Variants in CHD4 observed in about 807,000 individuals in gnomAD.
The protein encoded by CHD4 is ATP-dependent chromatin remodeler CHD4.
A neutral mutation model predicts 235.5 loss-of-function variants in CHD4; 35 were observed. The ratio of observed to expected loss-of-function variants is 0.15; its 90% CI spans 0.11 to 0.20. CHD4 has a LOEUF of 0.20. Among genes scored for constraint, CHD4 ranks in the 10% least tolerant of loss-of-function variants. The pLI is 1.00. For missense variants in CHD4, 1,329 were observed against 2,432.3 expected (o/e 0.55, Z 9.54); for synonymous variants, 900 against 850.2 (o/e 1.06, Z -1.02).
In CHD4 at chr12:6,599,932, G is replaced by A. The variant is rs142800397; in HGVS notation, c.1323C>T (p.Leu441=). ...EEILEEVGGD[L]EEEDDHHMEF... ...CCATATGGTGGTCATCCTCCTCTTC[G>A]AGGTCTCCCCCAACCTCTTCCAGGA... The change falls in exon 10 of 40, where the codon CTC becomes CTT. Residue 441 remains leucine (L), a synonymous_variant. Coordinates refer to ENST00000544040, the MANE Select transcript of CHD4 (RefSeq NM_001273.5). 293 of 1,613,938 alleles carry A rather than the reference G, an allele frequency of 1.8e-4. 1 individual carries two copies. Among genetic ancestry groups the A allele is most frequent in the African/African-American group, 5.2e-4 (39 of 74,862 alleles).
In CHD4 at chr12:6,587,687, A is replaced by G. The variant is rs372162063; in HGVS notation, c.3703+25T>C. ...TTTAGAGAGGCCAAGCCCCACACCAAAACGTAAGTTCCTGACTACCTCACC... is the reference window on the plus strand; with the variant it reads ...TTTAGAGAGGCCAAGCCCCACACCAGAACGTAAGTTCCTGACTACCTCACC... On this transcript the variant is annotated intron_variant, in intron 24 of 39. Coordinates refer to ENST00000544040, the MANE Select transcript of CHD4 (RefSeq NM_001273.5). The G allele has an allele frequency of 2.5e-5, 40 of 1,611,956 alleles. No homozygotes were observed. The African/African-American group carries it at 4.8e-4, about 19-fold the overall frequency.
Position 6,592,005 on chromosome 12 carries a change from C to T in CHD4, c.3001G>A (p.Gly1001Ser). Residue 1001 changes from glycine (G) to serine (S), a missense_variant, in exon 20 of 40, where the codon GGT (glycine) becomes AGT (serine). Physicochemically the swap from Gly to Ser is moderately conservative, Grantham distance 56 (BLOSUM62 0). Transcript: ENST00000544040. ...TRNFEALNARGGGNQVSLLNV... is the reference protein window; with the variant it reads ...TRNFEALNARSGGNQVSLLNV... Reference sequence around the variant, plus strand: ...AGCAGAGACACCTGGTTGCCACCACCTCGGGCATTGAGTGCTTCAAAATTT... The same window carrying T: ...AGCAGAGACACCTGGTTGCCACCACTTCGGGCATTGAGTGCTTCAAAATTT... 1 of 1,614,216 alleles carries T rather than the reference C, an allele frequency of 6.2e-7. No individual in the cohort carries two copies. The highest frequency in any genetic ancestry group is 8.5e-7 in the Non-Finnish European group (1 of 1,180,038).
chr12:6,575,626 C>T (rs2136193957), intron 37 of CHD4, among the ~76,000 whole-genome samples: 1 of 152,252 alleles, frequency 6.6e-6, no homozygotes, highest in East Asian at 1.9e-4. Flanking sequence ...CTTAACACCT[C>T]ATGATTATAT....
In CHD4 at chr12:6,593,460, C is replaced by A; in HGVS notation, c.2470G>T (p.Glu824Ter). The A allele has an allele frequency of 6.2e-7, 1 of 1,614,168 alleles. No individual in the cohort carries two copies. Among genetic ancestry groups the A allele is most frequent in the Non-Finnish European group, 8.5e-7 (1 of 1,180,032 alleles). The change falls in exon 16 of 40, where the codon GAA becomes TAA. Residue 824 changes from glutamate (E) to a stop codon, truncating the protein, a stop_gained. Coordinates refer to ENST00000544040, the MANE Select transcript of CHD4 (RefSeq NM_001273.5). LOFTEE classifies it high-confidence loss of function. The surrounding 1 kb of genome is among the most constrained non-coding windows in gnomAD (Gnocchi z 4.9). Reference protein sequence around the residue: ...AIIRENEFSFEDNAIRGGKKA... With the variant: ...AIIRENEFSF ...TTGCCACCACGAATGGCATTGTCTT[C>A]AAAGGAGAACTCATTCTCTCGGATG...
In CHD4 at chr12:6,573,507, G is replaced by A. The variant is rs953543314; in HGVS notation, c.5362-238C>T. On this transcript the variant is annotated intron_variant, in intron 37 of 39. Transcript: ENST00000544040. ...ACCCTTTAGGTTCTCTTATACAAAA[G>A]CGATAAAAACTCAATTTAGAAAATA... is the stretch of plus-strand genomic sequence containing the variant. 4 of 314,594 alleles carry A rather than the reference G, an allele frequency of 1.3e-5. No homozygotes were observed. The East Asian group carries it at 2.1e-4, about 17-fold the overall frequency. The allele number at this position is 314,594 out of a possible 1,614,324, so 19.5% of individuals were successfully genotyped here.
intron 22 of CHD4, chr12:6,591,238 G>C: frequency 2.2e-6 from 1 of 444,572 alleles, no homozygotes; most frequent in Non-Finnish European, 4.0e-6. Flanking sequence ...TTGCCCTCGA[G>C]ATACAATGCT....
intron 25 of CHD4, 110 bp downstream of exon 25, chr12:6,587,274 A>G (rs530135978): frequency 2.0e-4 from 214 of 1,057,658 alleles, no homozygotes; most frequent in Middle Eastern, 1.1e-3. Context: ...ATTCATCAAC[A>G]TAAGAATTTG....
At chr12:6,579,462 TA>T (rs567737597) in intron 33 of CHD4, 99 of 171,924 alleles carry the variant, frequency 5.8e-4, no homozygotes, top group Non-Finnish European at 1.1e-3. Flanking sequence ...CGCATGCCTG[TA>T]ATCCCAGCTA....
chr12:6,577,502 A>G (rs113366779), intron 37 of CHD4, among the ~76,000 whole-genome samples: 52 of 151,910 alleles, frequency 3.4e-4, no homozygotes, highest in Admixed American at 5.2e-4. Context: ...TCCCACCTCT[A>G]TATCTTTCCT....
Position 6,591,533 on chromosome 12 carries a change from A to G in CHD4, c.3273T>C (p.Tyr1091=), listed in dbSNP as rs747965402. 2 of 1,614,234 alleles carry G rather than the reference A, an allele frequency of 1.2e-6. No individual in the cohort carries two copies. The highest frequency in any genetic ancestry group is 2.2e-5 in the East Asian group (1 of 44,890). Residue 1091 remains tyrosine (Y), a synonymous_variant, in exon 22 of 40, where the codon TAT becomes TAC. Transcript: ENST00000544040. ...LLEDFLEHEG[Y]KYERIDGGIT... ...TTCCACCATCGATGCGTTCGTATTT[A>G]TAACCTTCATGTTCCAAGAAATCCT...
At position 6,593,587 on chromosome 12, in the gene CHD4, G is replaced by A. The variant is rs1026758289; in HGVS notation, c.2343C>T (p.Ser781=). The change falls in exon 16 of 40, where the codon AGC becomes AGT. Residue 781 remains serine, a synonymous_variant. Transcript: ENST00000544040. This position sits in a 1 kb window ranked among gnomAD's most constrained non-coding sequence, Gnocchi z 4.9. ...AGTTGATGATGGTAGAAAGAGGGGCGCTCACTAGGAAGGGGCCTTTGGAAT... is the reference window on the plus strand; with the variant it reads ...AGTTGATGATGGTAGAAAGAGGGGCACTCACTAGGAAGGGGCCTTTGGAAT... ...EGHSKGPFLV[S]APLSTIINWE... is the part of the protein sequence containing the mutation. 7 of 1,614,154 alleles carry A rather than the reference G, an allele frequency of 4.3e-6. No individual in the cohort carries two copies. Among genetic ancestry groups the A allele is most frequent in the South Asian group, 2.2e-5 (2 of 91,084 alleles).
At chr12:6,592,223 A>C (rs541341290) in intron 19 of CHD4, among the ~76,000 whole-genome samples, 166 bp from the exon 20 acceptor site, 1 of 152,180 alleles carries the variant, frequency 6.6e-6, no homozygotes, top group African/African-American at 2.4e-5. Context: ...GGAAAGGTAT[A>C]ACCTAAAATA....
intron 39 of CHD4, 37 bp from the exon 40 acceptor site, chr12:6,570,730 G>A (rs746260416): frequency 6.2e-7 from 1 of 1,614,048 alleles, no homozygotes; most frequent in South Asian, 1.1e-5. Flanking sequence ...AATTCCAGAT[G>A]ATAGGAATCC....
chr12:6,605,746 G>A (rs927256159), intron 2 of CHD4, among the ~76,000 whole-genome samples: 8 of 152,128 alleles, frequency 5.3e-5, no homozygotes, highest in Non-Finnish European at 8.8e-5. Flanking sequence ...TCCTGCTGAG[G>A]AGCGCGATTC....
chr12:6,574,121 G>A (rs1057510), intron 37 of CHD4, among the ~76,000 whole-genome samples: 45,868 of 151,986 alleles, frequency 0.3, 9,645 homozygotes, highest in African/African-American at 0.6. Flanking sequence ...CTTTTCTAAT[G>A]TAGTAATACT....
intron 13 of CHD4, among the ~76,000 whole-genome samples, chr12:6,595,663 C>A (rs759263592): frequency 2.0e-5 from 3 of 151,932 alleles, no homozygotes; most frequent in Non-Finnish European, 4.4e-5. Context: ...TGGCAGACGC[C>A]TGTAATCTCA....
intron 2 of CHD4, among the ~76,000 whole-genome samples, chr12:6,605,465 G>A (rs916931379): frequency 1.3e-5 from 2 of 152,074 alleles, no homozygotes; most frequent in African/African-American, 2.4e-5. Flanking sequence ...ATACGGGTTT[G>A]GCCAGTTCAT....
At position 6,581,662 on chromosome 12, in the gene CHD4, A is replaced by G. The variant is rs2136201873; in HGVS notation, c.4668T>C (p.Pro1556=). 6.2e-7 allele frequency: 1 copy of G among 1,612,718 alleles called. No individual in the cohort carries two copies. Among genetic ancestry groups the G allele is most frequent in the Middle Eastern group, 1.7e-4 (1 of 6,060 alleles). ...PGDTQPNTPA[P]VPPAEDGIKI... is the part of the protein sequence containing the mutation. ...AGGCAGACTTACCAGCAGGTGGGAC[A>G]GGTGCAGGAGTGTTGGGCTGCGTGT... Residue 1556 remains proline (P), a synonymous_variant, in exon 31 of 40, where the codon CCT becomes CCC. Transcript: ENST00000544040.
At position 6,593,246 on chromosome 12, in the gene CHD4, T is replaced by C. The variant is rs763306773; in HGVS notation, c.2515-18A>G. On this transcript the variant is annotated intron_variant, in intron 16 of 39. Coordinates refer to ENST00000544040, the MANE Select transcript of CHD4 (RefSeq NM_001273.5). This position sits in a 1 kb window ranked among gnomAD's most constrained non-coding sequence, Gnocchi z 4.9. ...GCCTCTTTCTGCACATGAAGGCAAC[T>C]TGGTCACTACTAGTCAGTTCCTCTG... 6.2e-7 allele frequency: 1 copy of C among 1,613,888 alleles called. No individual in the cohort carries two copies. The highest frequency in any genetic ancestry group is 1.1e-5 in the South Asian group (1 of 91,086).
Sources: gnomAD v4.1 joint callset for allele counts (sites outside exome capture counted in the v4.1 genomes callset) on GRCh38, gnomAD v4.1.1 for gene constraint, Gnocchi (gnomAD v3.1) non-coding constraint, MANE v1.5 for transcripts, NCBI Gene and HGNC (gene_info 2026-07-23, HGNC 2026-07-21) for gene names.